The following TACR3 variants were observed in gnomAD, a reference collection of about 807,000 sequenced individuals.
TACR3 encodes the protein tachykinin receptor 3.
Under a neutral mutation model 35.0 loss-of-function variants are expected in TACR3, and 34 were observed. The ratio of observed to expected loss-of-function variants is 0.97; its 90% CI spans 0.74 to 1.30. TACR3 has a LOEUF of 1.30. TACR3 is among the 50% of genes most tolerant of loss of function. TACR3 has a pLI of 0.00. For missense variants in TACR3, 558 were observed against 591.7 expected (o/e 0.94, Z 0.59); for synonymous variants, 233 against 221.1 (o/e 1.05, Z -0.48).
At chr4:103,648,741 T>C (rs980775355) in intron 3 of TACR3, among the ~76,000 whole-genome samples, 5 of 152,168 alleles carry the variant, frequency 3.3e-5, no homozygotes, top group Non-Finnish European at 7.4e-5. Flanking sequence ...AATGTTGCAA[T>C]AAACATGGGA....
At chr4:103,602,145 A>G (rs895281267) in intron 3 of TACR3, among the ~76,000 whole-genome samples, 5 of 151,958 alleles carry the variant, frequency 3.3e-5, no homozygotes, top group African/African-American at 1.2e-4. Context: ...TTCATCTTCC[A>G]TCACTGATAC....
At chr4:103,603,189 C>T (rs1724253343) in intron 3 of TACR3, among the ~76,000 whole-genome samples, 1 of 152,258 alleles carries the variant, frequency 6.6e-6, no homozygotes. Context: ...GTAGGACCCT[C>T]CTAGCCATGT....
intron 3 of TACR3, among the ~76,000 whole-genome samples, chr4:103,637,738 A>G (rs1181655752): frequency 6.6e-6 from 1 of 151,784 alleles, no homozygotes; most frequent in Non-Finnish European, 1.5e-5. Context: ...CAACTTCAGC[A>G]GTCTCAGGAT....
chr4:103,596,396 A>T (rs1445725770), intron 3 of TACR3, among the ~76,000 whole-genome samples: 3 of 151,670 alleles, frequency 2.0e-5, no homozygotes, highest in African/African-American at 7.3e-5. Flanking sequence ...ATTTCTCCAC[A>T]TCCTCTCCAG....
chr4:103,717,913 T>C (rs1411208799), intron 1 of TACR3, among the ~76,000 whole-genome samples: 1 of 152,068 alleles, frequency 6.6e-6, no homozygotes, highest in Non-Finnish European at 1.5e-5. Context: ...AGATTGACGA[T>C]TTTAGAGGCT....
At chr4:103,594,753 A>G (rs1723969885) in intron 3 of TACR3, among the ~76,000 whole-genome samples, 1 of 152,198 alleles carries the variant, frequency 6.6e-6, no homozygotes, top group Non-Finnish European at 1.5e-5. Context: ...TGGAACAGAG[A>G]CTTCAGATAG....
At chr4:103,592,021 T>C (rs368101496) in intron 3 of TACR3, among the ~76,000 whole-genome samples, 5 of 152,300 alleles carry the variant, frequency 3.3e-5, no homozygotes, top group African/African-American at 1.2e-4. Flanking sequence ...TGTGGCTGTG[T>C]AGCCTGCATT....
intron 3 of TACR3, among the ~76,000 whole-genome samples, chr4:103,639,652 T>G (rs951648573): frequency 6.6e-6 from 1 of 152,048 alleles, no homozygotes; most frequent in East Asian, 1.9e-4. Flanking sequence ...AAGAAATACT[T>G]TTATTTATTG....
At chr4:103,599,622 A>G (rs1298216741) in intron 3 of TACR3, among the ~76,000 whole-genome samples, 1 of 152,198 alleles carries the variant, frequency 6.6e-6, no homozygotes, top group African/African-American at 2.4e-5. Flanking sequence ...ATTTTGAGAT[A>G]CGTCCCATCA....
intron 1 of TACR3, among the ~76,000 whole-genome samples, chr4:103,678,135 A>G (rs889499049): frequency 3.9e-5 from 6 of 152,142 alleles, no homozygotes; most frequent in African/African-American, 1.4e-4. Context: ...ACTAGTGCTC[A>G]GTGATTCAAG....
chr4:103,638,948 T>C (rs1319589480), intron 3 of TACR3, among the ~76,000 whole-genome samples: 1 of 152,132 alleles, frequency 6.6e-6, no homozygotes, highest in African/African-American at 2.4e-5. Flanking sequence ...CTACAGGTGC[T>C]GGAGAGGATG....
intron 1 of TACR3, among the ~76,000 whole-genome samples, chr4:103,686,940 C>A (rs1438761031): frequency 3.5e-4 from 53 of 152,062 alleles, no homozygotes; most frequent in Admixed American, 6.5e-5. Flanking sequence ...AGAGACACAA[C>A]CAAAAAAGAG....
intron 1 of TACR3, among the ~76,000 whole-genome samples, chr4:103,685,006 A>C (rs987990071): frequency 6.7e-6 from 1 of 150,162 alleles, no homozygotes; most frequent in African/African-American, 2.4e-5. Context: ...TAAATAAATA[A>C]ATAAATAAAT....
intron 3 of TACR3, among the ~76,000 whole-genome samples, chr4:103,650,096 T>TA (rs1350399995): frequency 6.6e-6 from 1 of 152,100 alleles, no homozygotes; most frequent in Non-Finnish European, 1.5e-5. Context: ...CTCACAGAGA[T>TA]ACTGCCTTGT....
intron 1 of TACR3, among the ~76,000 whole-genome samples, chr4:103,699,450 C>A (rs1356198089): frequency 6.6e-6 from 1 of 152,096 alleles, no homozygotes; most frequent in African/African-American, 2.4e-5. Flanking sequence ...TCAGTTTCTA[C>A]CCTGAGAGAG....
intron 1 of TACR3, among the ~76,000 whole-genome samples, chr4:103,680,039 G>A (rs986239749): frequency 2.0e-5 from 3 of 151,644 alleles, no homozygotes; most frequent in Non-Finnish European, 4.4e-5. Flanking sequence ...TCCTCTAATT[G>A]AAAGCACTTG....
At chr4:103,656,133 G>A in intron 3 of TACR3, 61 bp downstream of exon 3, 1 of 1,584,110 alleles carries the variant, frequency 6.3e-7, no homozygotes, top group African/African-American at 1.3e-5. Flanking sequence ...TGACTAGATT[G>A]CTTTTCTTTC....
chr4:103,694,719 A>G (rs1158797764), intron 1 of TACR3, among the ~76,000 whole-genome samples: 1 of 152,174 alleles, frequency 6.6e-6, no homozygotes, highest in Admixed American at 6.6e-5. Flanking sequence ...TAAAATGTTT[A>G]TGTAAAAAGG....
At chr4:103,591,381 CT>C in intron 4 of TACR3, 105 bp downstream of exon 4, 1 of 1,382,378 alleles carries the variant, frequency 7.2e-7, no homozygotes, top group Non-Finnish European at 1.0e-6. Flanking sequence ...TAAATTTTCC[CT>C]TCCTTCTGCA....
Sources: allele counts gnomAD v4.1 joint callset (sites outside exome capture counted in the v4.1 genomes callset), GRCh38; gene constraint gnomAD v4.1.1; transcripts MANE v1.5; gene names NCBI Gene and HGNC (gene_info 2026-07-23, HGNC 2026-07-21).